Variants in DSCAML1 observed in about 807,000 individuals in gnomAD.
DSCAML1 encodes DS cell adhesion molecule like 1.
A neutral mutation model predicts 200.5 loss-of-function variants in DSCAML1; 38 were observed. That is an observed-to-expected ratio of 0.19 (90% CI 0.15 to 0.25). The LOEUF (loss-of-function observed/expected upper bound fraction) is 0.25, where lower values mean the gene tolerates loss of function less well. Among genes scored for constraint, DSCAML1 ranks in the 10% least tolerant of loss-of-function variants. The probability of loss-of-function intolerance (pLI) is 1.00; values close to 1 mark genes in which losing one functional copy is unlikely to be tolerated. For missense variants in DSCAML1, 2,223 were observed against 2,858.8 expected (o/e 0.78, Z 5.07); for synonymous variants, 1,215 against 1,165.0 (o/e 1.04, Z -0.87).
chr11:117,668,501 C>T (rs1398523427), intron 3 of DSCAML1: 1 of 152,218 alleles, frequency 6.6e-6, no homozygotes, highest in Non-Finnish European at 1.5e-5. Context: ...TTTTGTGCCT[C>T]ATTATGCTAT....
chr11:117,604,767 C>A (rs917941822), intron 3 of DSCAML1, among the ~76,000 whole-genome samples: 38 of 152,184 alleles, frequency 2.5e-4, no homozygotes, highest in African/African-American at 9.2e-4. Flanking sequence ...TCCCAGGAGC[C>A]CGGGATGAGG....
In DSCAML1 at chr11:117,653,493, A is replaced by G. The variant is rs186166940; in HGVS notation, c.512-120971T>C. ...CCTCCATTAAGCCCTGTCTGTCTTC[A>G]TCCTCCCCTGCTTGTAGACCCCCGG... On this transcript the variant is annotated intron_variant, in intron 3 of 32. Coordinates refer to ENST00000651296, the MANE Select transcript of DSCAML1 (RefSeq NM_020693.4). Among the ~76,000 whole-genome samples, 50 of 152,192 alleles carry G rather than the reference A, an allele frequency of 3.3e-4. 1 individual carries two copies. The East Asian group carries it at 8.9e-3, about 27-fold the overall frequency.
intron 3 of DSCAML1, among the ~76,000 whole-genome samples, chr11:117,564,825 G>C (rs2050728390): frequency 6.6e-6 from 1 of 151,262 alleles, no homozygotes; most frequent in South Asian, 2.1e-4. Flanking sequence ...GAGTGCAGTG[G>C]TGCGATCTCG....
intron 1 of DSCAML1, among the ~76,000 whole-genome samples, chr11:117,782,047 C>T (rs890398803): frequency 3.3e-5 from 5 of 152,162 alleles, no homozygotes; most frequent in African/African-American, 9.7e-5. Context: ...GGTCTCTAGC[C>T]GGAAGCCACT....
chr11:117,657,330 C>T, intron 3 of DSCAML1, among the ~76,000 whole-genome samples: 1 of 152,292 alleles, frequency 6.6e-6, no homozygotes, highest in South Asian at 2.1e-4. Flanking sequence ...ACAAGACAGA[C>T]TCTTGGAACA....
At chr11:117,494,012 A>G (rs1055287083) in intron 11 of DSCAML1, among the ~76,000 whole-genome samples, 2 of 152,218 alleles carry the variant, frequency 1.3e-5, no homozygotes, top group African/African-American at 4.8e-5. Flanking sequence ...ATGTGCACGC[A>G]CCATGGCTAA....
intron 11 of DSCAML1, among the ~76,000 whole-genome samples, chr11:117,486,434 GTGAAAGTGGCAGATA>G (rs1284158557): frequency 6.6e-6 from 1 of 151,780 alleles, no homozygotes; most frequent in Admixed American, 6.6e-5. Context: ...AATGGCGGAT[GTGAAAGTGGCAGATA>G]TGAAAGTAGC....
At chr11:117,613,326 C>T (rs1280660555) in intron 3 of DSCAML1, among the ~76,000 whole-genome samples, 1 of 152,032 alleles carries the variant, frequency 6.6e-6, no homozygotes, top group Non-Finnish European at 1.5e-5. Context: ...TGGTAGGAAG[C>T]AGGTGGGATA....
At position 117,547,208 on chromosome 11, in the gene DSCAML1, C is replaced by T. The variant is rs2050388125; in HGVS notation, c.512-14686G>A. Among the ~76,000 whole-genome samples, 3 of 152,318 alleles carry T rather than the reference C, an allele frequency of 2.0e-5. No homozygotes were observed. In the South Asian group the frequency reaches 6.2e-4, roughly 32 times the overall value. On this transcript the variant is annotated intron_variant, in intron 3 of 32. Transcript: ENST00000651296. ...GCCGGGGGCGACAGCCTCCAACCCTCCCCAGAGCCCCCACCCCCACTTTTA... is the reference window on the plus strand; with the variant it reads ...GCCGGGGGCGACAGCCTCCAACCCTTCCCAGAGCCCCCACCCCCACTTTTA...
rs139828224 is a variant in DSCAML1, at chr11:117,482,129, G to C, written c.2393C>G (p.Thr798Ser). ...PAMITSHPNT[T>S]IAIKGHAKEL... ...CTTCGCATGGCCCTTGATGGCGATG[G>C]TGGTGTTGGGGTGGGAAGTGATCAT... The change falls in exon 12 of 33, where the codon ACC (threonine) becomes AGC (serine). Residue 798 changes from threonine to serine, a missense_variant. By Grantham distance (58) the Thr-to-Ser change is moderately conservative (BLOSUM62 1). This residue lies in a region of DSCAML1 where 438 missense variants were observed against 629.7 expected (regional missense o/e 0.70). Coordinates refer to ENST00000651296, the MANE Select transcript of DSCAML1 (RefSeq NM_020693.4). The C allele has an allele frequency of 6.2e-7, 1 of 1,614,070 alleles. No homozygotes were observed. Among genetic ancestry groups the C allele is most frequent in the South Asian group, 1.1e-5 (1 of 91,094 alleles).
At chr11:117,724,016 A>C (rs1264666548) in intron 3 of DSCAML1, among the ~76,000 whole-genome samples, 1 of 152,198 alleles carries the variant, frequency 6.6e-6, no homozygotes, top group Non-Finnish European at 1.5e-5. Flanking sequence ...CTTTATCTCC[A>C]ATTAACATTA....
At chr11:117,592,113 G>GT (rs1257959399) in intron 3 of DSCAML1, among the ~76,000 whole-genome samples, 1 of 152,124 alleles carries the variant, frequency 6.6e-6, no homozygotes, top group African/African-American at 2.4e-5. Context: ...TGCTCATCAG[G>GT]TAGGGCAGGG....
At chr11:117,619,813 T>C (rs896366065) in intron 3 of DSCAML1, among the ~76,000 whole-genome samples, 1 of 152,212 alleles carries the variant, frequency 6.6e-6, no homozygotes, top group Admixed American at 6.5e-5. Context: ...ACCTTGTTTA[T>C]GGCCCCTTTC....
intron 27 of DSCAML1, among the ~76,000 whole-genome samples, chr11:117,434,003 G>A (rs946392812): frequency 7.2e-5 from 11 of 152,220 alleles, no homozygotes; most frequent in Admixed American, 7.2e-4. Context: ...TGTCTCAGAG[G>A]AGCCTTGAAT....
chr11:117,536,167 G>C (rs964348259), intron 3 of DSCAML1, among the ~76,000 whole-genome samples: 1 of 152,236 alleles, frequency 6.6e-6, no homozygotes, highest in African/African-American at 2.4e-5. Flanking sequence ...CCCCTTGGGG[G>C]GGCTTGTGCA....
chr11:117,682,823 A>G (rs1199081003), intron 3 of DSCAML1, among the ~76,000 whole-genome samples: 1 of 152,128 alleles, frequency 6.6e-6, no homozygotes, highest in Non-Finnish European at 1.5e-5. Context: ...TGGAGGGAGG[A>G]AGGAAGGGAG....
In DSCAML1 at chr11:117,518,498, C is replaced by T. The variant is rs1255571773; in HGVS notation, c.1478G>A (p.Ser493Asn). 6.2e-7 allele frequency: 1 copy of T among 1,614,242 alleles called. No individual in the cohort carries two copies. The highest frequency in any genetic ancestry group is 8.5e-7 in the Non-Finnish European group (1 of 1,180,044). ...GTTTATTCGCGCCTGATATTCAGCACTGCCCACCAAGTTCCGCGCTGTGCA... is the reference window on the plus strand; with the variant it reads ...GTTTATTCGCGCCTGATATTCAGCATTGCCCACCAAGTTCCGCGCTGTGCA... ...YRCTARNLVG[S>N]AEYQARINVR... The change falls in exon 7 of 33, where the codon AGT (serine) becomes AAT (asparagine). Residue 493 changes from serine (S) to asparagine (N), a missense_variant. Ser to Asn is a conservative substitution (Grantham distance 46, BLOSUM62 1). Coordinates refer to ENST00000651296, the MANE Select transcript of DSCAML1 (RefSeq NM_020693.4). The surrounding 1 kb of genome is among the most constrained non-coding windows in gnomAD (Gnocchi z 6.3).
intron 3 of DSCAML1, among the ~76,000 whole-genome samples, chr11:117,661,659 T>G (rs976926789): frequency 5.3e-5 from 8 of 152,154 alleles, no homozygotes; most frequent in African/African-American, 1.9e-4. Flanking sequence ...CATCCCTCCC[T>G]AAGGCCAGTG....
At position 117,627,120 on chromosome 11, in the gene DSCAML1, T is replaced by A. The variant is rs908261163; in HGVS notation, c.512-94598A>T. On this transcript the variant is annotated intron_variant, in intron 3 of 32. Transcript: ENST00000651296. ...GATAATTAATTTTCTAACTCTTTTT[T>A]AAGCTGGCCACATATTACAAGAGAA... 3.9e-5 allele frequency among the ~76,000 whole-genome samples: 6 copies of A among 152,248 alleles called. 1 individual carries two copies. The highest frequency in any genetic ancestry group is 3.9e-4 in the Admixed American group (6 of 15,290).
Sources: allele counts gnomAD v4.1 joint callset (sites outside exome capture counted in the v4.1 genomes callset), GRCh38; gene constraint gnomAD v4.1.1; regional missense constraint gnomAD v4.1.1; non-coding constraint Gnocchi (gnomAD v3.1); transcripts MANE v1.5; gene names NCBI Gene and HGNC (gene_info 2026-07-23, HGNC 2026-07-21).